Variants in CTNND2 observed in about 807,000 individuals in gnomAD.
CTNND2 encodes catenin delta-2.
CTNND2 carries 22 observed loss-of-function variants against 144.4 expected under a neutral mutation model. That is an observed-to-expected ratio of 0.15 (90% CI 0.11 to 0.22). The LOEUF (loss-of-function observed/expected upper bound fraction) is 0.22, where lower values mean the gene tolerates loss of function less well. CTNND2 is among the 10% of genes least tolerant of loss of function. The pLI, the probability that CTNND2 is intolerant of heterozygous loss-of-function variation, is 1.00. For missense variants in CTNND2, 1,353 were observed against 1,618.8 expected (o/e 0.84, Z 2.82); for synonymous variants, 751 against 695.6 (o/e 1.08, Z -1.25).
chr5:11,874,528 C>G (rs1254862059), intron 1 of CTNND2, among the ~76,000 whole-genome samples: 1 of 152,142 alleles, frequency 6.6e-6, no homozygotes, highest in Admixed American at 6.5e-5. Context: ...AACACAAGCA[C>G]TGCCATATCC....
intron 3 of CTNND2, among the ~76,000 whole-genome samples, chr5:11,485,372 T>TGC (rs1293570311): frequency 7.2e-5 from 9 of 125,806 alleles, no homozygotes; most frequent in Admixed American, 2.4e-4. Context: ...TGTGTGTGTG[T>TGC]GTGCGCGCGC....
chr5:11,148,452 A>C (rs1757448431), intron 12 of CTNND2, among the ~76,000 whole-genome samples: 1 of 152,320 alleles, frequency 6.6e-6, no homozygotes, highest in Non-Finnish European at 1.5e-5. Flanking sequence ...TTCTGCTGCT[A>C]GTTCGATCTG....
chr5:11,142,769 A>G (rs1756868619), intron 12 of CTNND2, among the ~76,000 whole-genome samples: 1 of 151,838 alleles, frequency 6.6e-6, no homozygotes, highest in Admixed American at 6.6e-5. Flanking sequence ...GCGCGCCACC[A>G]TGCCCGGCTA....
chr5:11,646,742 C>T (rs573519081), intron 2 of CTNND2, among the ~76,000 whole-genome samples: 2 of 152,234 alleles, frequency 1.3e-5, no homozygotes, highest in East Asian at 3.9e-4. Context: ...TCTCTAAGAC[C>T]CTGTTCTTCC....
intron 1 of CTNND2, among the ~76,000 whole-genome samples, chr5:11,811,311 G>A (rs967011210): frequency 1.3e-5 from 2 of 152,046 alleles, no homozygotes; most frequent in Non-Finnish European, 2.9e-5. Flanking sequence ...GCTGCCTTGG[G>A]GACTTAAAAC....
At chr5:10,981,746 A>G (rs1180818834) in intron 21 of CTNND2, 27 bp downstream of exon 21, 2 of 1,588,068 alleles carry the variant, frequency 1.3e-6, no homozygotes, top group African/African-American at 2.7e-5. Context: ...CTGAAAAGGA[A>G]ATACAAACGT....
At chr5:11,153,688 G>A (rs568376556) in intron 12 of CTNND2, among the ~76,000 whole-genome samples, 2 of 152,170 alleles carry the variant, frequency 1.3e-5, no homozygotes, top group South Asian at 4.2e-4. Flanking sequence ...ACTTTGACGG[G>A]CTTAATAACA....
intron 1 of CTNND2, among the ~76,000 whole-genome samples, chr5:11,819,153 G>A (rs919332474): frequency 1.3e-5 from 2 of 152,204 alleles, no homozygotes; most frequent in African/African-American, 4.8e-5. Flanking sequence ...ACCAAAGGAG[G>A]TATATGGAAT....
chr5:11,871,063 G>C (rs1215140291), intron 1 of CTNND2, among the ~76,000 whole-genome samples: 3 of 152,300 alleles, frequency 2.0e-5, no homozygotes, highest in South Asian at 4.1e-4. Context: ...TTGCCCTCTT[G>C]CAAGAAGAGG....
intron 3 of CTNND2, among the ~76,000 whole-genome samples, chr5:11,432,732 G>C (rs1763409910): frequency 6.6e-6 from 1 of 152,116 alleles, no homozygotes; most frequent in Admixed American, 6.6e-5. Flanking sequence ...GGCACTGCTG[G>C]GGCACTTCGT....
chr5:11,723,999 G>A (rs1357338865), intron 2 of CTNND2, among the ~76,000 whole-genome samples: 2 of 151,548 alleles, frequency 1.3e-5, no homozygotes, highest in Non-Finnish European at 2.9e-5. Flanking sequence ...ACCTTGCAGC[G>A]AGCTGAGATC....
At chr5:11,706,885 A>G (rs1785727389) in intron 2 of CTNND2, among the ~76,000 whole-genome samples, 1 of 152,114 alleles carries the variant, frequency 6.6e-6, no homozygotes, top group Non-Finnish European at 1.5e-5. Flanking sequence ...GGAGATCGAG[A>G]CCATCCTGGC....
chr5:11,640,786 T>A (rs1462463072), intron 2 of CTNND2, among the ~76,000 whole-genome samples: 1 of 151,802 alleles, frequency 6.6e-6, no homozygotes, highest in African/African-American at 2.4e-5. Context: ...TAGGACTGCT[T>A]AGCTATTCAG....
chr5:11,042,625 T>C (rs1744797283), intron 16 of CTNND2, among the ~76,000 whole-genome samples: 1 of 152,248 alleles, frequency 6.6e-6, no homozygotes, highest in Admixed American at 6.5e-5. Context: ...AGTGCTGGTT[T>C]CCACATGGCA....
intron 3 of CTNND2, among the ~76,000 whole-genome samples, chr5:11,417,989 T>C (rs1762054933): frequency 6.6e-6 from 1 of 152,132 alleles, no homozygotes; most frequent in Non-Finnish European, 1.5e-5. Flanking sequence ...ATGCATATTA[T>C]GAAAAATTTA....
At chr5:11,190,242 T>G (rs1403074908) in intron 11 of CTNND2, among the ~76,000 whole-genome samples, 1 of 152,344 alleles carries the variant, frequency 6.6e-6, no homozygotes, top group East Asian at 1.9e-4. Flanking sequence ...CACTGGACTC[T>G]CCCAGCCCCT....
chr5:11,517,003 G>A (rs745569432), intron 3 of CTNND2, among the ~76,000 whole-genome samples: 4 of 152,148 alleles, frequency 2.6e-5, no homozygotes, highest in Non-Finnish European at 5.9e-5. Context: ...TACAAAACAT[G>A]TATTTCTTAG....
chr5:11,030,759 T>G (rs1258021010), intron 16 of CTNND2, among the ~76,000 whole-genome samples: 3 of 87,570 alleles, frequency 3.4e-5, no homozygotes, highest in African/African-American at 6.0e-5. Context: ...TTTCTGTTTT[T>G]TTTTTTTTTT....
Position 11,474,392 on chromosome 5 carries a change from A to G in CTNND2, c.288-62323T>C, listed in dbSNP as rs60939978. 3.2e-3 allele frequency among the ~76,000 whole-genome samples: 492 copies of G among 152,318 alleles called. 5 individuals carry two copies. Among genetic ancestry groups the G allele is most frequent in the African/African-American group, 0.011 (478 of 41,584 alleles). On this transcript the variant is annotated intron_variant, in intron 3 of 21. Transcript: ENST00000304623. The stretch of plus-strand genomic sequence containing the variant: ...AAGCACTTAAATATTGTAATAGAAA[A>G]ATAATGTTTTTGTTATAACAGTAAG...
Sources: allele counts gnomAD v4.1 joint callset (sites outside exome capture counted in the v4.1 genomes callset), GRCh38; gene constraint gnomAD v4.1.1; transcripts MANE v1.5; gene names NCBI Gene and HGNC (gene_info 2026-07-23, HGNC 2026-07-21).